Variants in CERS3 observed in about 807,000 individuals in gnomAD.
The protein encoded by CERS3 is ceramide synthase 3, also known as LAG1 homolog, ceramide synthase 3.
In CERS3, 33 loss-of-function variants were observed where a neutral mutation model predicts 50.3. The ratio of observed to expected loss-of-function variants is 0.66; its 90% CI spans 0.50 to 0.88. The LOEUF (loss-of-function observed/expected upper bound fraction) is 0.88. Among genes scored for constraint, CERS3 ranks in the 40% least tolerant of loss-of-function variants. The pLI is 0.00. For synonymous variants in CERS3, 176 were observed against 155.2 expected, an observed-to-expected ratio of 1.13 and a Z score of -0.99; for missense variants, 470 against 460.3, an observed-to-expected ratio of 1.02 and a Z score of -0.19.
At chr15:100,459,585 G>A (rs1206089571) in intron 10 of CERS3, among the ~76,000 whole-genome samples, 5 of 152,074 alleles carry the variant, frequency 3.3e-5, no homozygotes, top group African/African-American at 4.8e-5. Flanking sequence ...GAACCACCAC[G>A]TGTGGTTCTA....
At chr15:100,497,169 G>C (rs781332833) in intron 3 of CERS3, among the ~76,000 whole-genome samples, 8 of 152,150 alleles carry the variant, frequency 5.3e-5, no homozygotes, top group Non-Finnish European at 1.2e-4. Context: ...ACACGACAGA[G>C]AGGGGAATGG....
chr15:100,522,329 C>CAGATCAA (rs1567681213), intron 1 of CERS3, among the ~76,000 whole-genome samples: 1 of 152,206 alleles, frequency 6.6e-6, no homozygotes, highest in Non-Finnish European at 1.5e-5. Flanking sequence ...ATGCTTTCTA[C>CAGATCAA]CTAACCAGAT....
At chr15:100,427,223 G>A (rs2587827) in intron 11 of CERS3, among the ~76,000 whole-genome samples, 41,778 of 151,812 alleles carry the variant, frequency 0.28, 5,935 homozygotes, top group East Asian at 0.43. Context: ...TACTTCAGAT[G>A]GTTCCTGCTG....
At chr15:100,443,388 T>C (rs543371302) in intron 11 of CERS3, among the ~76,000 whole-genome samples, 4,941 of 143,392 alleles carry the variant, frequency 0.034, 36 homozygotes, top group African/African-American at 0.13. Context: ...CCCATTTCAC[T>C]TGTCCTAAAA....
At chr15:100,509,250 A>G (rs1339648450) in intron 2 of CERS3, among the ~76,000 whole-genome samples, 6 of 152,198 alleles carry the variant, frequency 3.9e-5, no homozygotes, top group African/African-American at 1.4e-4. Context: ...GAAGGAATAA[A>G]ACCAGTTGGG....
At chr15:100,506,443 G>C (rs1326326944) in intron 2 of CERS3, among the ~76,000 whole-genome samples, 1 of 147,450 alleles carries the variant, frequency 6.8e-6, no homozygotes, top group Non-Finnish European at 1.5e-5. Flanking sequence ...AGTGCTGACG[G>C]GGTGTGAAGA....
chr15:100,435,190 T>G (rs2033341823), intron 11 of CERS3, among the ~76,000 whole-genome samples: 1 of 152,188 alleles, frequency 6.6e-6, no homozygotes, highest in African/African-American at 2.4e-5. Context: ...AACTAGTATT[T>G]TGAAAACCAT....
In CERS3 at chr15:100,490,849, A is replaced by T. The variant is rs757715738; in HGVS notation, c.256T>A (p.Phe86Ile). 3.1e-6 allele frequency: 5 copies of T among 1,612,148 alleles called. No individual in the cohort carries two copies. Among genetic ancestry groups the T allele is most frequent in the African/African-American group, 1.3e-5 (1 of 74,986 alleles). The change falls in exon 4 of 12, where the codon TTT (phenylalanine) becomes ATT (isoleucine). Residue 86 changes from phenylalanine (F) to isoleucine (I), a missense_variant. Phe to Ile is a conservative substitution (Grantham distance 21). Coordinates refer to ENST00000679737, the MANE Select transcript of CERS3 (RefSeq NM_001378789.1). ...KVTPNTVLEN[F>I]FKHSTRQPLQ... ...GGTTGCCTTGTGGAATGTTTGAAAAAATTCTCTAAGACAGTATTTGGTGTA... is the reference window on the plus strand; with the variant it reads ...GGTTGCCTTGTGGAATGTTTGAAAATATTCTCTAAGACAGTATTTGGTGTA...
At chr15:100,439,181 GGCATTCAAGAGCAAAA>G (rs2033565774) in intron 11 of CERS3, among the ~76,000 whole-genome samples, 1 of 152,100 alleles carries the variant, frequency 6.6e-6, no homozygotes, top group Admixed American at 6.5e-5. Flanking sequence ...TTTATTTTAA[GGCATTCAAGAGCAAAA>G]GCAAATAGTG....
At chr15:100,473,549 A>G (rs1363296283) in intron 8 of CERS3, among the ~76,000 whole-genome samples, 1 of 152,236 alleles carries the variant, frequency 6.6e-6, no homozygotes, top group Non-Finnish European at 1.5e-5. Flanking sequence ...ACATGAAAGC[A>G]TGCTCAATCA....
chr15:100,407,219 C>A (rs2031111591), intron 11 of CERS3, among the ~76,000 whole-genome samples: 1 of 152,214 alleles, frequency 6.6e-6, no homozygotes, highest in African/African-American at 2.4e-5. Flanking sequence ...CCACCCATCT[C>A]TGCAAGACTT....
intron 7 of CERS3, among the ~76,000 whole-genome samples, 199 bp downstream of exon 7, chr15:100,479,229 G>C (rs1188583953): frequency 6.6e-6 from 1 of 152,048 alleles, no homozygotes; most frequent in East Asian, 1.9e-4. Context: ...ACCCAAATAT[G>C]TAATTACATT....
intron 3 of CERS3, among the ~76,000 whole-genome samples, chr15:100,496,472 A>G (rs1476368904): frequency 6.6e-6 from 1 of 152,242 alleles, no homozygotes; most frequent in Non-Finnish European, 1.5e-5. Flanking sequence ...AATATTAGAA[A>G]ATACAAAATT....
chr15:100,445,851 C>T (rs1031083833), intron 11 of CERS3, among the ~76,000 whole-genome samples: 9 of 152,182 alleles, frequency 5.9e-5, no homozygotes, highest in African/African-American at 1.4e-4. Flanking sequence ...GTGACCTGCA[C>T]ATACACATCC....
chr15:100,446,892 G>A (rs2142170711), intron 11 of CERS3, among the ~76,000 whole-genome samples: 1 of 152,228 alleles, frequency 6.6e-6, no homozygotes, highest in Non-Finnish European at 1.5e-5. Context: ...CTGACCATCA[G>A]TAACATTAAA....
At chr15:100,523,353 T>C (rs2036692649) in intron 1 of CERS3, among the ~76,000 whole-genome samples, 1 of 152,338 alleles carries the variant, frequency 6.6e-6, no homozygotes, top group South Asian at 2.1e-4. Flanking sequence ...AAGTCCTTAT[T>C]TTTAACATAA....
At chr15:100,407,545 T>C (rs1199129867) in intron 11 of CERS3, among the ~76,000 whole-genome samples, 1 of 152,274 alleles carries the variant, frequency 6.6e-6, no homozygotes, top group African/African-American at 2.4e-5. Context: ...AGCACAATAA[T>C]TTTTTGCATG....
chr15:100,444,511 G>A lies in CERS3; in HGVS notation c.999+11382C>T, dbSNP rs536809235. Among the ~76,000 whole-genome samples, 5 of 152,266 alleles carry A rather than the reference G, an allele frequency of 3.3e-5. No individual in the cohort carries two copies. The South Asian group carries it at 6.2e-4, about 19-fold the overall frequency. ...GATGGCAGTTCCACCAGGCGTAATC[G>A]CCACACACCAGCAAAGGCAGGCTGT... On this transcript the variant is annotated intron_variant, in intron 11 of 11. Coordinates refer to ENST00000679737, the MANE Select transcript of CERS3 (RefSeq NM_001378789.1).
chr15:100,483,820 A>G (rs192542905), intron 5 of CERS3, among the ~76,000 whole-genome samples: 4,288 of 117,452 alleles, frequency 0.037, 282 homozygotes, highest in African/African-American at 0.13. Context: ...TTGCTCTGTC[A>G]CCCAGGCTGG....
Sources: gnomAD v4.1 joint callset for allele counts (sites outside exome capture counted in the v4.1 genomes callset) on GRCh38, gnomAD v4.1.1 for gene constraint, MANE v1.5 for transcripts, NCBI Gene and HGNC (gene_info 2026-07-23, HGNC 2026-07-21) for gene names.